LTBP1: variants seen among roughly 807,000 people sequenced by gnomAD.
The protein encoded by LTBP1 is latent-transforming growth factor beta-binding protein 1.
Under a neutral mutation model 207.6 loss-of-function variants are expected in LTBP1, and 129 were observed. That is an observed-to-expected ratio of 0.62 (90% CI 0.54 to 0.72). The LOEUF (loss-of-function observed/expected upper bound fraction) is 0.72, where lower values mean the gene tolerates loss of function less well. Among genes scored for constraint, LTBP1 ranks in the 30% least tolerant of loss-of-function variants. The pLI, the probability that LTBP1 is intolerant of heterozygous loss-of-function variation, is 0.00. For missense variants in LTBP1, 2,281 were observed against 2,217.2 expected (o/e 1.03, Z -0.58); for synonymous variants, 963 against 833.7 (o/e 1.16, Z -2.67).
At chr2:33,170,176 G>A (rs1250497229) in intron 5 of LTBP1, among the ~76,000 whole-genome samples, 5 of 152,152 alleles carry the variant, frequency 3.3e-5, no homozygotes, top group African/African-American at 4.8e-5. Flanking sequence ...GCAGTGCACC[G>A]TGCTCGAGCC....
intron 3 of LTBP1, among the ~76,000 whole-genome samples, chr2:33,075,270 T>C (rs2078021479): frequency 6.6e-6 from 1 of 152,246 alleles, no homozygotes. Context: ...ATATTGTGTA[T>C]GATCCTCACA....
intron 3 of LTBP1, among the ~76,000 whole-genome samples, chr2:33,106,013 G>A (rs964514624): frequency 6.6e-6 from 1 of 152,122 alleles, no homozygotes; most frequent in South Asian, 2.1e-4. Flanking sequence ...AGAAATCCCT[G>A]GTTGTCATTT....
intron 3 of LTBP1, among the ~76,000 whole-genome samples, chr2:33,083,530 G>A (rs2078563661): frequency 6.6e-6 from 1 of 152,010 alleles, no homozygotes; most frequent in Non-Finnish European, 1.5e-5. Context: ...AAACAGGAGA[G>A]GGGGGAATCT....
intron 22 of LTBP1, among the ~76,000 whole-genome samples, chr2:33,307,974 A>G (rs748396326): frequency 1.3e-5 from 2 of 152,236 alleles, no homozygotes; most frequent in Non-Finnish European, 2.9e-5. Flanking sequence ...AGCCGGGCGT[A>G]TTAGACAGAT....
At position 33,251,432 on chromosome 2, in the gene LTBP1, G is replaced by A. The variant is rs142122265; in HGVS notation, c.2000-1245G>A. Among the ~76,000 whole-genome samples, 888 of 152,212 alleles carry A rather than the reference G, an allele frequency of 5.8e-3. 7 individuals carry two copies. The highest frequency in any genetic ancestry group is 0.021 in the African/African-American group (857 of 41,536). ...TCCCAGCACTTTGGGAGGCCGAGGC[G>A]TGCGGATCACAAGGTCAGGAGATCG... On this transcript the variant is annotated intron_variant, in intron 10 of 33. Coordinates refer to ENST00000404816, the MANE Select transcript of LTBP1 (RefSeq NM_206943.4).
chr2:33,131,296 C>T (rs2081775541), intron 4 of LTBP1, among the ~76,000 whole-genome samples: 1 of 152,198 alleles, frequency 6.6e-6, no homozygotes, highest in Non-Finnish European at 1.5e-5. Flanking sequence ...CTTGTGTCTA[C>T]TGTTAGTGAA....
intron 2 of LTBP1, among the ~76,000 whole-genome samples, chr2:32,969,906 C>CT (rs980486952): frequency 6.6e-6 from 1 of 152,132 alleles, no homozygotes; most frequent in African/African-American, 2.4e-5. Flanking sequence ...TAAACATTCC[C>CT]TTTTTTTCTG....
chr2:33,100,843 A>G (rs2079689918), intron 3 of LTBP1, among the ~76,000 whole-genome samples: 1 of 152,212 alleles, frequency 6.6e-6, no homozygotes. Flanking sequence ...TGATGTTTTC[A>G]AGGTTCATCT....
At chr2:32,995,545 G>T (rs1215720804) in intron 2 of LTBP1, among the ~76,000 whole-genome samples, 4 of 152,216 alleles carry the variant, frequency 2.6e-5, no homozygotes, top group Non-Finnish European at 4.4e-5. Flanking sequence ...ACTTTGGGAG[G>T]CCGAGGCAGG....
intron 26 of LTBP1, among the ~76,000 whole-genome samples, chr2:33,353,999 A>G (rs976124540): frequency 3.9e-5 from 6 of 151,912 alleles, no homozygotes; most frequent in African/African-American, 9.7e-5. Context: ...AGCTGGGACT[A>G]CAGGCTCCCG....
At chr2:33,166,776 ATTTAAG>A (rs990811025) in intron 5 of LTBP1, among the ~76,000 whole-genome samples, 4 of 152,230 alleles carry the variant, frequency 2.6e-5, no homozygotes, top group African/African-American at 9.6e-5. Flanking sequence ...ATACCAAGTT[ATTTAAG>A]TTAAATGGAA....
intron 10 of LTBP1, among the ~76,000 whole-genome samples, chr2:33,247,709 C>G (rs1455320578): frequency 6.6e-6 from 1 of 152,226 alleles, no homozygotes; most frequent in Non-Finnish European, 1.5e-5. Context: ...ATCTGTGCCA[C>G]CTCATACAGC....
intron 2 of LTBP1, among the ~76,000 whole-genome samples, chr2:32,970,757 C>G (rs1265089275): frequency 6.7e-6 from 1 of 149,888 alleles, no homozygotes; most frequent in Admixed American, 6.6e-5. Flanking sequence ...TTTTTTTGTT[C>G]CATATGAACT....
At chr2:32,983,088 G>A (rs1047262662) in intron 2 of LTBP1, among the ~76,000 whole-genome samples, 2 of 152,236 alleles carry the variant, frequency 1.3e-5, no homozygotes, top group African/African-American at 2.4e-5. Context: ...GCAGCCAGGA[G>A]TGGTGCTCTA....
At chr2:33,149,220 C>CAA (rs1199273167) in intron 5 of LTBP1, among the ~76,000 whole-genome samples, 15 of 15,142 alleles carry the variant, frequency 9.9e-4, no homozygotes, top group Admixed American at 1.3e-3. Context: ...GTCTCACTCA[C>CAA]AAAAAAACAA....
rs1573241175 is a variant in LTBP1, at chr2:33,217,476, G to A, written c.1702-76G>A. On this transcript the variant is annotated intron_variant, in intron 7 of 33. Coordinates refer to ENST00000404816, the MANE Select transcript of LTBP1 (RefSeq NM_206943.4). Reference sequence around the variant, plus strand: ...AAGGGAACTGGTTTATAGCGTGGCTGTGAGGGACAGCAGTGCTCTGGGGCT... The same window carrying A: ...AAGGGAACTGGTTTATAGCGTGGCTATGAGGGACAGCAGTGCTCTGGGGCT... The A allele has an allele frequency of 6.3e-6, 6 of 947,630 alleles. No homozygotes were observed. The East Asian group carries it at 1.2e-4, about 19-fold the overall frequency. 58.7% of individuals were successfully genotyped at this position (947,630 alleles called of 1,614,324 possible). A position where few individuals can be genotyped will look rare whatever the true frequency, so the allele number is the denominator to read the frequency against.
intron 3 of LTBP1, among the ~76,000 whole-genome samples, chr2:33,102,966 T>C (rs1173910260): frequency 1.3e-5 from 2 of 152,196 alleles, no homozygotes; most frequent in African/African-American, 2.4e-5. Flanking sequence ...CTGTATGCTG[T>C]ATGCACTGTC....
intron 10 of LTBP1, among the ~76,000 whole-genome samples, chr2:33,246,310 A>G (rs2092507619): frequency 6.6e-6 from 1 of 152,178 alleles, no homozygotes; most frequent in Non-Finnish European, 1.5e-5. Context: ...GTCCAGTCTG[A>G]TTTTCAGGTG....
intron 31 of LTBP1, among the ~76,000 whole-genome samples, chr2:33,387,085 G>C (rs927147048): frequency 6.6e-6 from 1 of 151,892 alleles, no homozygotes; most frequent in Non-Finnish European, 1.5e-5. Context: ...ACCTTGACCT[G>C]CGTCATGAGC....
Sources: allele counts gnomAD v4.1 joint callset (sites outside exome capture counted in the v4.1 genomes callset), GRCh38; gene constraint gnomAD v4.1.1; transcripts MANE v1.5; gene names NCBI Gene and HGNC (gene_info 2026-07-23, HGNC 2026-07-21).